Variants in TRDMT1 observed in about 807,000 individuals in gnomAD.
TRDMT1 encodes the protein tRNA (cytosine(38)-C(5))-methyltransferase.
Under a neutral mutation model 51.2 loss-of-function variants are expected in TRDMT1, and 49 were observed. The ratio of observed to expected loss-of-function variants is 0.96; its 90% CI spans 0.76 to 1.21. The LOEUF (loss-of-function observed/expected upper bound fraction) is 1.21. Ranked by LOEUF, TRDMT1 falls within the 50% of genes most tolerant of loss-of-function variation. The probability of loss-of-function intolerance (pLI) is 0.00; values close to 1 mark genes in which losing one functional copy is unlikely to be tolerated. For synonymous variants in TRDMT1, 187 were observed against 164.6 expected, an observed-to-expected ratio of 1.14 and a Z score of -1.04; for missense variants, 534 against 462.3, an observed-to-expected ratio of 1.16 and a Z score of -1.42.
chr10:17,157,743 T>C lies in TRDMT1; in HGVS notation c.585A>G (p.Gln195=). The C allele has an allele frequency of 3.7e-6, 6 of 1,609,250 alleles. No individual in the cohort carries two copies. Among genetic ancestry groups the C allele is most frequent in the Non-Finnish European group, 5.1e-6 (6 of 1,178,862 alleles). Residue 195 remains glutamine (Q), a synonymous_variant, in exon 8 of 11, where the codon CAA becomes CAG. Transcript: ENST00000377799. ...EFPKIESVHP[Q]KYAMDVENKI... Reference sequence around the variant, plus strand: ...TATTTTCTACATCCATTGCATATTTTTGTGGATGTACAGATTCAATTTTGG... The same window carrying C: ...TATTTTCTACATCCATTGCATATTTCTGTGGATGTACAGATTCAATTTTGG...
intron 10 of TRDMT1, chr10:17,153,201 G>A: frequency 2.3e-6 from 1 of 434,260 alleles, no homozygotes; most frequent in Non-Finnish European, 4.0e-6. Context: ...AAAATAAGCT[G>A]GAAAGGGGAT....
chr10:17,165,590 G>A (rs995676121), intron 3 of TRDMT1, among the ~76,000 whole-genome samples: 2 of 152,094 alleles, frequency 1.3e-5, no homozygotes, highest in Non-Finnish European at 2.9e-5. Context: ...GCAACCTACA[G>A]AATGGGAGAA....
intron 1 of TRDMT1, among the ~76,000 whole-genome samples, chr10:17,198,747 T>C (rs1035011984): frequency 3.3e-5 from 5 of 152,234 alleles, no homozygotes; most frequent in Admixed American, 1.3e-4. Context: ...ACATTGTGAA[T>C]GTACTTAATG....
rs115823784 is a variant in TRDMT1 at position 17,192,926 on chromosome 10, G to C, written c.64+8645C>G. 8.1e-3 allele frequency among the ~76,000 whole-genome samples: 1,235 copies of C among 152,244 alleles called. 24 individuals carry two copies. Among genetic ancestry groups the C allele is most frequent in the African/African-American group, 0.028 (1,167 of 41,540 alleles). On this transcript the variant is annotated intron_variant, in intron 1 of 10. Transcript: ENST00000377799. ...ACCTCAAAATAATAAGAGCATCTAT[G>C]ACAAGCCCACAGCCAACATCATACT... is the stretch of plus-strand genomic sequence containing the variant.
rs577541235 is a variant in TRDMT1, at chr10:17,162,250, A to T, written c.252-13T>A. ...CTGCCGGCCAATCCTAAAGGGGTAA[A>T]AAAAAAAAAAAACAAAAAAAAACAC... On this transcript the variant is annotated splice_polypyrimidine_tract_variant and intron_variant, in intron 3 of 10. Transcript: ENST00000377799. The T allele has an allele frequency of 0.035, 39,012 of 1,111,656 alleles. 45 individuals are homozygous for T. Among genetic ancestry groups the T allele is most frequent in the South Asian group, 0.061 (3,151 of 51,714 alleles). 68.9% of individuals were successfully genotyped at this position (1,111,656 alleles called of 1,614,324 possible).
chr10:17,162,149 G>A lies in TRDMT1; in HGVS notation c.323+17C>T, dbSNP rs1181032401. ...TTCAAATGAAAGGTAAGCTTGTACAGGAACCTAAGTTTTTACCTTGGGAGA... is the reference window on the plus strand; with the variant it reads ...TTCAAATGAAAGGTAAGCTTGTACAAGAACCTAAGTTTTTACCTTGGGAGA... On this transcript the variant is annotated intron_variant, in intron 4 of 10. Transcript: ENST00000377799. 1.9e-6 allele frequency: 3 copies of A among 1,593,038 alleles called. No homozygotes were observed.
chr10:17,161,596 AG>A, intron 4 of TRDMT1, 48 bp from the exon 5 acceptor site: 1 of 959,822 alleles, frequency 1.0e-6, no homozygotes, highest in Non-Finnish European at 1.4e-6. Flanking sequence ...ATTACTAAGA[AG>A]AAAAAGTAAA....
At chr10:17,197,530 T>C (rs1350376905) in intron 1 of TRDMT1, among the ~76,000 whole-genome samples, 1 of 152,234 alleles carries the variant, frequency 6.6e-6, no homozygotes, top group African/African-American at 2.4e-5. Flanking sequence ...ATCTATCATG[T>C]TGCTAAAGAA....
At chr10:17,150,811 A>G in intron 10 of TRDMT1, 1 of 984,176 alleles carries the variant, frequency 1.0e-6, no homozygotes, top group Non-Finnish European at 1.2e-6. Flanking sequence ...TATTCTAAAG[A>G]TAATATCTTA....
In TRDMT1 at chr10:17,140,033, T is replaced by G. The variant is rs1588671045; in HGVS notation, c.*9007A>C. 8.5e-6 allele frequency among the ~76,000 whole-genome samples: 1 copy of G among 117,734 alleles called. No individual in the cohort carries two copies. The highest frequency in any genetic ancestry group is 1.8e-5 in the Non-Finnish European group (1 of 55,630). 77.2% of individuals were successfully genotyped at this position (117,734 alleles called of 152,430 possible). A position where few individuals can be genotyped will look rare whatever the true frequency, so the allele number is the denominator to read the frequency against. Reference sequence around the variant, plus strand: ...TAAATATTCTTCCAGTAACATCTAGTGTGCTTTTTTTTTTTTTTTTTTTTT... The same window carrying G: ...TAAATATTCTTCCAGTAACATCTAGGGTGCTTTTTTTTTTTTTTTTTTTTT... On this transcript the variant is annotated 3_prime_UTR_variant, in exon 11 of 11. Coordinates refer to ENST00000377799, the MANE Select transcript of TRDMT1 (RefSeq NM_004412.7).
At position 17,146,963 on chromosome 10, in the gene TRDMT1, A is replaced by G. The variant is rs1302272515; in HGVS notation, c.*2077T>C. 1 of 985,328 alleles carries G rather than the reference A, an allele frequency of 1.0e-6. No homozygotes were observed. The allele number at this position is 985,328 out of a possible 1,614,324, so 61.0% of individuals were successfully genotyped here. On this transcript the variant is annotated 3_prime_UTR_variant, in exon 11 of 11. Coordinates refer to ENST00000377799, the MANE Select transcript of TRDMT1 (RefSeq NM_004412.7). ...GGCAAGAATCACCGTCTTCCTGTGA[A>G]TACATTCCCATAATTTAAGAATTCC...
In TRDMT1 at chr10:17,140,656, TG is replaced by T. The variant is rs1357753857; in HGVS notation, c.*8383del. ...ATGAACAGACTCTACAGTAAAGACT[TG>T]AAACTGAGTGTTTTGAAAGAAAGAA... On this transcript the variant is annotated 3_prime_UTR_variant, in exon 11 of 11. Coordinates refer to ENST00000377799, the MANE Select transcript of TRDMT1 (RefSeq NM_004412.7). Among the ~76,000 whole-genome samples the T allele has an allele frequency of 6.6e-6, 1 of 152,120 alleles. No individual in the cohort carries two copies. The highest frequency in any genetic ancestry group is 6.5e-5 in the Admixed American group (1 of 15,276).
At position 17,161,044 on chromosome 10, in the gene TRDMT1, C is replaced by T. The variant is rs1840277250; in HGVS notation, c.389+439G>A. 2.0e-5 allele frequency among the ~76,000 whole-genome samples: 3 copies of T among 152,132 alleles called. No homozygotes were observed. In the South Asian group the frequency reaches 6.2e-4, roughly 32 times the overall value. Reference sequence around the variant, plus strand: ...GCACTGTTACAGACAGCAGCTGACTCAAGGACTCGGGTGGATGCTTTCTCT... The same window carrying T: ...GCACTGTTACAGACAGCAGCTGACTTAAGGACTCGGGTGGATGCTTTCTCT... On this transcript the variant is annotated intron_variant, in intron 5 of 10. Transcript: ENST00000377799.
chr10:17,146,915 C>A lies in TRDMT1; in HGVS notation c.*2125G>T, dbSNP rs1386949141. ...GATGTGAGTTTTATGCTTGTTACTG[C>A]ATATTTTCAATTATGAATTAAGGGC... On this transcript the variant is annotated 3_prime_UTR_variant, in exon 11 of 11. Coordinates refer to ENST00000377799, the MANE Select transcript of TRDMT1 (RefSeq NM_004412.7). 1 of 985,362 alleles carries A rather than the reference C, an allele frequency of 1.0e-6. No homozygotes were observed. Among genetic ancestry groups the A allele is most frequent in the Non-Finnish European group, 1.2e-6 (1 of 829,904 alleles). The allele number at this position is 985,362 out of a possible 1,614,324, so 61.0% of individuals were successfully genotyped here.
Position 17,146,435 on chromosome 10 carries a change from T to C in TRDMT1, c.*2605A>G, listed in dbSNP as rs1838114862. On this transcript the variant is annotated 3_prime_UTR_variant, in exon 11 of 11. Transcript: ENST00000377799. ...CTGAGGATTGTCAGGCTCTGACCCC[T>C]CCTACAATGACTACCCACCTCTTCG... The C allele has an allele frequency of 2.0e-6, 2 of 985,440 alleles. No homozygotes were observed. The highest frequency in any genetic ancestry group is 4.7e-5 in the South Asian group (1 of 21,294). 61.0% of individuals were successfully genotyped at this position (985,440 alleles called of 1,614,324 possible). A position where few individuals can be genotyped will look rare whatever the true frequency, so the allele number is the denominator to read the frequency against.
chr10:17,144,947 T>TA lies in TRDMT1; in HGVS notation c.*4092dup, dbSNP rs767433536. On this transcript the variant is annotated 3_prime_UTR_variant, in exon 11 of 11. Transcript: ENST00000377799. ...ATGTGCAAGATGCTTAATGCCTTTT[T>TA]AAAAAACATGCAAAGGGAGGCTGGG... 6.1e-6 allele frequency: 6 copies of TA among 985,136 alleles called. No individual in the cohort carries two copies. Among genetic ancestry groups the TA allele is most frequent in the Non-Finnish European group, 4.8e-6 (4 of 829,890 alleles). 61.0% of individuals were successfully genotyped at this position (985,136 alleles called of 1,614,324 possible).
chr10:17,155,325 A>C (rs1839357954), intron 8 of TRDMT1, among the ~76,000 whole-genome samples: 1 of 152,230 alleles, frequency 6.6e-6, no homozygotes, highest in African/African-American at 2.4e-5. Flanking sequence ...CTTTTTATTA[A>C]TTGTCTTGTC....
In TRDMT1 at chr10:17,137,561, G is replaced by A. The variant is rs1321705911; in HGVS notation, c.*11479C>T. ...AAAGTGGTTCCACTGGCCGGGCTCA[G>A]TGCCTCGTACCTGTAATCCCAGCAC... On this transcript the variant is annotated 3_prime_UTR_variant, in exon 11 of 11. Transcript: ENST00000377799. The A allele has an allele frequency of 6.6e-6, 1 of 152,270 alleles. No individual in the cohort carries two copies. The highest frequency in any genetic ancestry group is 1.5e-5 in the Non-Finnish European group (1 of 68,100). The allele number at this position is 152,270 out of a possible 1,614,324, so 9.4% of individuals were successfully genotyped here.
chr10:17,163,526 T>C (rs4405200), intron 3 of TRDMT1, among the ~76,000 whole-genome samples: 142,686 of 152,114 alleles, frequency 0.94, 67,233 homozygotes, highest in Middle Eastern at 0.99. Flanking sequence ...AAGATCAGAG[T>C]AGAACTGAAG....
Sources: allele counts gnomAD v4.1 joint callset (sites outside exome capture counted in the v4.1 genomes callset), GRCh38; gene constraint gnomAD v4.1.1; transcripts MANE v1.5; gene names NCBI Gene and HGNC (gene_info 2026-07-23, HGNC 2026-07-21).